The following YTHDC2 variants were observed in gnomAD, a reference collection of about 807,000 sequenced individuals.
YTHDC2 encodes the protein 3'-5' RNA helicase YTHDC2.
In YTHDC2, 45 loss-of-function variants were observed where a neutral mutation model predicts 174.9. That is an observed-to-expected ratio of 0.26 (90% CI 0.20 to 0.33). The LOEUF is 0.33. Ranked by LOEUF, YTHDC2 falls within the 10% of genes least tolerant of loss-of-function variation. The pLI, the probability that YTHDC2 is intolerant of heterozygous loss-of-function variation, is 1.00. For synonymous variants in YTHDC2, 657 were observed against 574.5 expected (o/e 1.14, Z -2.05); for missense variants, 1,650 against 1,723.7 (o/e 0.96, Z 0.76).
chr5:113,569,138 A>G (rs1354435736), intron 23 of YTHDC2, among the ~76,000 whole-genome samples: 1 of 152,118 alleles, frequency 6.6e-6, no homozygotes, highest in Admixed American at 6.6e-5. Flanking sequence ...TGTTGGCCAC[A>G]TGTACATCTT....
chr5:113,535,022 A>G (rs1292787165), intron 6 of YTHDC2, among the ~76,000 whole-genome samples: 5 of 152,226 alleles, frequency 3.3e-5, no homozygotes, highest in Admixed American at 6.5e-5. Context: ...ACGTATTTAC[A>G]TAGATTTTTT....
intron 17 of YTHDC2, among the ~76,000 whole-genome samples, chr5:113,559,485 A>G (rs568443670): frequency 9.3e-4 from 141 of 152,302 alleles, no homozygotes; most frequent in African/African-American, 3.2e-3. Context: ...TTAAGAAGGG[A>G]TGAGATGATG....
At chr5:113,590,658 A>G (rs1452134076) in intron 26 of YTHDC2, among the ~76,000 whole-genome samples, 1 of 152,156 alleles carries the variant, frequency 6.6e-6, no homozygotes, top group Non-Finnish European at 1.5e-5. Flanking sequence ...GCACAACTTA[A>G]TGAGACCACT....
intron 23 of YTHDC2, among the ~76,000 whole-genome samples, chr5:113,577,351 A>G (rs1389508852): frequency 1.4e-5 from 2 of 145,092 alleles, no homozygotes; most frequent in East Asian, 3.9e-4. Flanking sequence ...TTTGCAAACA[A>G]CAGTTCTTTT....
chr5:113,533,455 A>G lies in YTHDC2; in HGVS notation c.842+410A>G, dbSNP rs565776560. 3.9e-5 allele frequency among the ~76,000 whole-genome samples: 6 copies of G among 152,058 alleles called. No homozygotes were observed. In the South Asian group the frequency reaches 1.2e-3, roughly 32 times the overall value. ...TCCCAGCTACTCGGGAGGCTGAGGCAGGAGAATCGTTTGAACCCGGAAGGC... is the reference window on the plus strand; with the variant it reads ...TCCCAGCTACTCGGGAGGCTGAGGCGGGAGAATCGTTTGAACCCGGAAGGC... On this transcript the variant is annotated intron_variant, in intron 5 of 29. Transcript: ENST00000161863.
In YTHDC2 at chr5:113,526,955, T is replaced by G. The variant is rs542537942; in HGVS notation, c.675+170T>G. ...AATGGTTATTTCAGAAGTAAATTAC[T>G]ACTGGAATATATTTGGAGAATTTGT... On this transcript the variant is annotated intron_variant, in intron 4 of 29. Coordinates refer to ENST00000161863, the MANE Select transcript of YTHDC2 (RefSeq NM_022828.5). Among the ~76,000 whole-genome samples, 12 of 151,834 alleles carry G rather than the reference T, an allele frequency of 7.9e-5. No individual in the cohort carries two copies. In the South Asian group the frequency reaches 1.7e-3, roughly 21 times the overall value.
chr5:113,526,802 T>G lies in YTHDC2; in HGVS notation c.675+17T>G. ...ACCACACAGGTTTGTTTCTTTTTTG[T>G]TGTTTATAGAAAAAAAAAAAAAAAA... is the stretch of plus-strand genomic sequence containing the variant. On this transcript the variant is annotated intron_variant, in intron 4 of 29. Transcript: ENST00000161863. 1 of 1,160,202 alleles carries G rather than the reference T, an allele frequency of 8.6e-7. No individual in the cohort carries two copies. Among genetic ancestry groups the G allele is most frequent in the Non-Finnish European group, 1.1e-6 (1 of 906,140 alleles). The allele number at this position is 1,160,202 out of a possible 1,614,324, so 71.9% of individuals were successfully genotyped here.
rs1580510161 is a variant in YTHDC2, at chr5:113,534,413, A to C, written c.945+6A>C. 1 of 1,607,450 alleles carries C rather than the reference A, an allele frequency of 6.2e-7. No homozygotes were observed. Among genetic ancestry groups the C allele is most frequent in the Non-Finnish European group, 8.5e-7 (1 of 1,174,914 alleles). ...CTGTGACACATGTTATCGTGGTAAG[A>C]ATATTGCTGAATTTGTCATATGTAA... On this transcript the variant is annotated splice_donor_region_variant and intron_variant, in intron 6 of 29. Coordinates refer to ENST00000161863, the MANE Select transcript of YTHDC2 (RefSeq NM_022828.5).
rs554642155 is a variant in YTHDC2 at position 113,520,218 on chromosome 5, A to G, written c.279-4763A>G. 5.3e-5 allele frequency among the ~76,000 whole-genome samples: 8 copies of G among 152,328 alleles called. No homozygotes were observed. In the South Asian group the frequency reaches 6.2e-4, roughly 12 times the overall value. ...TTCCAGCTTCATCGATGTCCCCGCA[A>G]AGGACATGAACTTACTCTTTTTTTA... is the stretch of plus-strand genomic sequence containing the variant. On this transcript the variant is annotated intron_variant, in intron 2 of 29. Coordinates refer to ENST00000161863, the MANE Select transcript of YTHDC2 (RefSeq NM_022828.5).
intron 15 of YTHDC2, 27 bp downstream of exon 15, chr5:113,553,881 A>T: frequency 1.3e-6 from 2 of 1,589,594 alleles, no homozygotes; most frequent in Middle Eastern, 3.4e-4. Context: ...CTTCTTTTTA[A>T]CACTTTCATT....
In YTHDC2 at chr5:113,513,717, A is replaced by G. The variant is rs1773172432; in HGVS notation, c.-179A>G. ...GCGCTCCTCGCCTGGCCGTGATATCAATGGCGCAGGCTTCACTTCTGCTGT... is the reference window on the plus strand; with the variant it reads ...GCGCTCCTCGCCTGGCCGTGATATCGATGGCGCAGGCTTCACTTCTGCTGT... On this transcript the variant is annotated 5_prime_UTR_variant, in exon 1 of 30. Coordinates refer to ENST00000161863, the MANE Select transcript of YTHDC2 (RefSeq NM_022828.5). 1.5e-6 allele frequency: 1 copy of G among 669,204 alleles called. No individual in the cohort carries two copies. The allele number at this position is 669,204 out of a possible 1,614,324, so 41.5% of individuals were successfully genotyped here. A position where few individuals can be genotyped will look rare whatever the true frequency, so the allele number is the denominator to read the frequency against.
intron 4 of YTHDC2, 26 bp downstream of exon 4, chr5:113,526,811 G>GAAA (rs58260423): frequency 1.1e-4 from 29 of 260,606 alleles, no homozygotes; most frequent in South Asian, 3.2e-4. Flanking sequence ...GTTGTTTATA[G>GAAA]AAAAAAAAAA....
chr5:113,515,896 G>A (rs1011783597), intron 2 of YTHDC2, among the ~76,000 whole-genome samples: 1 of 152,178 alleles, frequency 6.6e-6, no homozygotes, highest in South Asian at 2.1e-4. Flanking sequence ...GGTTATGTAG[G>A]TTCCCCTGGT....
At chr5:113,571,588 C>T (rs1777722273) in intron 23 of YTHDC2, among the ~76,000 whole-genome samples, 1 of 152,148 alleles carries the variant, frequency 6.6e-6, no homozygotes, top group South Asian at 2.1e-4. Context: ...TAGAATTCAG[C>T]TGTAAATCCA....
chr5:113,554,255 A>G (rs1776457098), intron 16 of YTHDC2, among the ~76,000 whole-genome samples: 1 of 152,086 alleles, frequency 6.6e-6, no homozygotes, highest in Non-Finnish European at 1.5e-5. Flanking sequence ...AATTCAGTAT[A>G]TAGAATCAAT....
chr5:113,528,237 T>C (rs537062536), intron 4 of YTHDC2, among the ~76,000 whole-genome samples: 2 of 152,344 alleles, frequency 1.3e-5, no homozygotes, highest in South Asian at 2.1e-4. Flanking sequence ...TTACTAGATA[T>C]GAAAGGATAC....
chr5:113,551,693 C>T lies in YTHDC2; in HGVS notation c.1689-1488C>T, dbSNP rs141889062. 1.0e-3 allele frequency among the ~76,000 whole-genome samples: 159 copies of T among 152,158 alleles called. 2 individuals carry two copies. The East Asian group carries it at 0.028, about 27-fold the overall frequency. On this transcript the variant is annotated intron_variant, in intron 12 of 29. Coordinates refer to ENST00000161863, the MANE Select transcript of YTHDC2 (RefSeq NM_022828.5). ...ATGGGTGCAGCAAACTACCATGGCA[C>T]GTGTATACCTATGTAACAAACCTGC... is the stretch of plus-strand genomic sequence containing the variant.
rs1275690107 is a variant in YTHDC2 at position 113,513,851 on chromosome 5, G to A, written c.-45G>A. On this transcript the variant is annotated 5_prime_UTR_variant, in exon 1 of 30. Transcript: ENST00000161863. ...GGTCTTTGTCATTGGCTGTCAGCTAGCAGGCCTGGCCGCTCCCGTGCGGAG... is the reference window on the plus strand; with the variant it reads ...GGTCTTTGTCATTGGCTGTCAGCTAACAGGCCTGGCCGCTCCCGTGCGGAG... 3 of 1,531,956 alleles carry A rather than the reference G, an allele frequency of 2.0e-6. No homozygotes were observed. Among genetic ancestry groups the A allele is most frequent in the South Asian group, 2.5e-5 (2 of 79,994 alleles). 94.9% of individuals were successfully genotyped at this position (1,531,956 alleles called of 1,614,324 possible).
chr5:113,587,456 C>T (rs1378104404), intron 26 of YTHDC2, among the ~76,000 whole-genome samples: 2 of 56,302 alleles, frequency 3.6e-5, no homozygotes, highest in Non-Finnish European at 5.4e-5. Context: ...ATTATGTATT[C>T]ATATATAATA....
Sources: allele counts gnomAD v4.1 joint callset (sites outside exome capture counted in the v4.1 genomes callset), GRCh38; gene constraint gnomAD v4.1.1; transcripts MANE v1.5; gene names NCBI Gene and HGNC (gene_info 2026-07-23, HGNC 2026-07-21).